Variants in SV2C observed in about 807,000 individuals in gnomAD.
The protein encoded by SV2C is solute carrier family 22 member B3.
SV2C carries 49 observed loss-of-function variants against 79.7 expected under a neutral mutation model. That is an observed-to-expected ratio of 0.61 (90% CI 0.49 to 0.78). The LOEUF (loss-of-function observed/expected upper bound fraction) is 0.78, where lower values mean the gene tolerates loss of function less well. Among genes scored for constraint, SV2C ranks in the 30% least tolerant of loss-of-function variants. The pLI is 0.00. For missense variants in SV2C, 833 were observed against 912.9 expected (o/e 0.91, Z 1.13); for synonymous variants, 334 against 333.2 (o/e 1.00, Z -0.03).
chr5:76,172,815 A>C (rs1441244452), intron 2 of SV2C, among the ~76,000 whole-genome samples: 1 of 85,926 alleles, frequency 1.2e-5, no homozygotes, highest in Admixed American at 1.3e-4. Context: ...GGGCGGTGCA[A>C]GATGTGCTTT....
chr5:76,051,320 CTG>C, the SV2C span, among the ~76,000 whole-genome samples: 1 of 152,132 alleles, frequency 6.6e-6, no homozygotes, highest in East Asian at 1.9e-4. Context: ...GACACAGTAA[CTG>C]TGTAGATGAG....
At chr5:76,116,910 G>C (rs752977165) in intron 1 of SV2C, among the ~76,000 whole-genome samples, 2 of 152,080 alleles carry the variant, frequency 1.3e-5, no homozygotes, top group Non-Finnish European at 2.9e-5. Flanking sequence ...AGACACTCTG[G>C]GTGCGCTTGC....
the SV2C span, among the ~76,000 whole-genome samples, chr5:75,940,671 G>T: frequency 2.6e-5 from 4 of 152,190 alleles, no homozygotes; most frequent in East Asian, 7.7e-4. Flanking sequence ...GAGTTGACTT[G>T]TACCAAATCG....
At chr5:76,051,485 G>A in the SV2C span, among the ~76,000 whole-genome samples, 1 of 152,124 alleles carries the variant, frequency 6.6e-6, no homozygotes, top group Non-Finnish European at 1.5e-5. Flanking sequence ...TCAGTGTTAT[G>A]TAGACAGTGA....
At chr5:76,197,131 AAAG>A (rs1171646510) in intron 3 of SV2C, among the ~76,000 whole-genome samples, 4 of 152,234 alleles carry the variant, frequency 2.6e-5, no homozygotes, top group Non-Finnish European at 5.9e-5. Context: ...TTCTTTTGTA[AAAG>A]AAGACATTAG....
chr5:75,947,285 G>A, the SV2C span, among the ~76,000 whole-genome samples: 1 of 151,924 alleles, frequency 6.6e-6, no homozygotes, highest in African/African-American at 2.4e-5. Context: ...AAAAAGAGAA[G>A]CCTCCAAATT....
At chr5:76,253,009 A>G (rs936218841) in intron 4 of SV2C, among the ~76,000 whole-genome samples, 1 of 152,246 alleles carries the variant, frequency 6.6e-6, no homozygotes, top group African/African-American at 2.4e-5. Flanking sequence ...ATATTGATCA[A>G]TTGTGTAATA....
intron 3 of SV2C, among the ~76,000 whole-genome samples, chr5:76,208,453 C>T (rs1744673967): frequency 6.6e-6 from 1 of 152,188 alleles, no homozygotes; most frequent in African/African-American, 2.4e-5. Context: ...GAGGCAAATA[C>T]ATGAAATGGT....
intron 1 of SV2C, among the ~76,000 whole-genome samples, chr5:76,093,224 A>G (rs1442165628): frequency 6.6e-6 from 1 of 152,108 alleles, no homozygotes; most frequent in Non-Finnish European, 1.5e-5. Context: ...AGTCATAACT[A>G]TCTCCCACTA....
At chr5:75,999,669 C>CTTAAT in the SV2C span, among the ~76,000 whole-genome samples, 1 of 147,814 alleles carries the variant, frequency 6.8e-6, no homozygotes, top group Non-Finnish European at 1.5e-5. Flanking sequence ...TTTTTTTCTA[C>CTTAAT]CCAGGCCTGT....
chr5:76,143,560 C>G (rs575348494), intron 2 of SV2C, among the ~76,000 whole-genome samples: 1 of 152,290 alleles, frequency 6.6e-6, no homozygotes, highest in East Asian at 1.9e-4. Flanking sequence ...TTACCACACT[C>G]CAGACAAGGC....
chr5:75,965,335 A>C, the SV2C span, among the ~76,000 whole-genome samples: 1 of 152,182 alleles, frequency 6.6e-6, no homozygotes, highest in Admixed American at 6.5e-5. Context: ...CATGAATTTA[A>C]ATGTTGAAAT....
chr5:76,341,802 G>A (rs557170124), intron 12 of SV2C, among the ~76,000 whole-genome samples: 10 of 152,094 alleles, frequency 6.6e-5, no homozygotes, highest in Non-Finnish European at 1.3e-4. Flanking sequence ...CTTTCACTAT[G>A]AGGATATTGG....
chr5:76,350,479 T>TC (rs1232775125), intron 12 of SV2C, among the ~76,000 whole-genome samples: 11 of 152,220 alleles, frequency 7.2e-5, no homozygotes, highest in Non-Finnish European at 1.6e-4. Context: ...GGTCTCATTT[T>TC]CCAGTGTGAA....
At chr5:75,978,367 T>C in the SV2C span, among the ~76,000 whole-genome samples, 1 of 152,202 alleles carries the variant, frequency 6.6e-6, no homozygotes. Flanking sequence ...CTGAGACCTC[T>C]CTTCTACATA....
chr5:76,109,981 T>C (rs922584924), intron 1 of SV2C, among the ~76,000 whole-genome samples: 13 of 152,194 alleles, frequency 8.5e-5, no homozygotes, highest in Admixed American at 7.9e-4. Flanking sequence ...TGATTTTCCA[T>C]AGAAATAGAA....
At chr5:76,336,640 C>T (rs990862255), downstream of SV2C, among the ~76,000 whole-genome samples, 2 of 152,186 alleles carry the variant, frequency 1.3e-5, no homozygotes, top group African/African-American at 2.4e-5. Flanking sequence ...TCCGCAATCC[C>T]GGCACCACTG....
At chr5:76,203,277 C>T (rs1744507801) in intron 3 of SV2C, among the ~76,000 whole-genome samples, 1 of 151,952 alleles carries the variant, frequency 6.6e-6, no homozygotes, top group Non-Finnish European at 1.5e-5. Flanking sequence ...ATGTGCCTGG[C>T]CCAGAGTTTG....
Position 76,174,255 on chromosome 5 carries a change from G to A in SV2C, c.581-20664G>A, listed in dbSNP as rs866548681. On this transcript the variant is annotated intron_variant, in intron 2 of 12. Transcript: ENST00000502798. ...TCACCGGGTCTCTGCAGCCAGCGTC[G>A]CCCCGTGCTCCCCGCGGGTCGCTAC... is the stretch of plus-strand genomic sequence containing the variant. The A allele has an allele frequency of 3.5e-4, 518 of 1,487,640 alleles. 3 individuals carry two copies. Among genetic ancestry groups the A allele is most frequent in the Middle Eastern group, 1.1e-3 (6 of 5,558 alleles). The allele number at this position is 1,487,640 out of a possible 1,614,324, so 92.2% of individuals were successfully genotyped here.
Sources: allele counts gnomAD v4.1 joint callset (sites outside exome capture counted in the v4.1 genomes callset), GRCh38; gene constraint gnomAD v4.1.1; transcripts MANE v1.5; gene names NCBI Gene and HGNC (gene_info 2026-07-23, HGNC 2026-07-21).